Variants in CTNNA3 observed in about 807,000 individuals in gnomAD.
CTNNA3 encodes catenin alpha-3.
CTNNA3 carries 76 observed loss-of-function variants against 95.7 expected under a neutral mutation model. That is an observed-to-expected ratio of 0.79 (90% CI 0.66 to 0.96). The LOEUF is 0.96. CTNNA3 is among the 40% of genes least tolerant of loss of function. The pLI, the probability that CTNNA3 is intolerant of heterozygous loss-of-function variation, is 0.00. For missense variants in CTNNA3, 1,191 were observed against 1,089.8 expected (o/e 1.09, Z -1.31); for synonymous variants, 431 against 374.4 (o/e 1.15, Z -1.74).
At chr10:66,962,866 C>G (rs1849196218) in intron 7 of CTNNA3, among the ~76,000 whole-genome samples, 1 of 152,112 alleles carries the variant, frequency 6.6e-6, no homozygotes, top group Admixed American at 6.6e-5. Flanking sequence ...ATTTGTTTAT[C>G]TGTCTTGCCC....
chr10:67,340,534 C>T (rs936452011), intron 5 of CTNNA3, among the ~76,000 whole-genome samples: 1 of 152,134 alleles, frequency 6.6e-6, no homozygotes, highest in African/African-American at 2.4e-5. Flanking sequence ...GACTAACAGG[C>T]AAAGATTGTC....
At chr10:66,419,432 GA>G (rs1437429349) in intron 11 of CTNNA3, among the ~76,000 whole-genome samples, 2 of 151,912 alleles carry the variant, frequency 1.3e-5, no homozygotes, top group Non-Finnish European at 2.9e-5. Flanking sequence ...TCATGGATCA[GA>G]AAAAAATAAT....
intron 12 of CTNNA3, among the ~76,000 whole-genome samples, chr10:66,375,336 T>C (rs2092788180): frequency 1.3e-5 from 2 of 149,730 alleles, no homozygotes; most frequent in South Asian, 4.2e-4. Flanking sequence ...TGAGACAGAG[T>C]GGAAGAGACT....
intron 5 of CTNNA3, among the ~76,000 whole-genome samples, chr10:67,515,902 C>T (rs569834553): frequency 7.2e-5 from 11 of 152,294 alleles, no homozygotes; most frequent in Admixed American, 2.0e-4. Flanking sequence ...CCCACTTACA[C>T]CCTTCCTTAG....
In CTNNA3 at chr10:65,920,232, C is replaced by T; in HGVS notation, c.*98G>A. 1 of 1,091,026 alleles carries T rather than the reference C, an allele frequency of 9.2e-7. No homozygotes were observed. Among genetic ancestry groups the T allele is most frequent in the Non-Finnish European group, 1.3e-6 (1 of 750,318 alleles). The allele number at this position is 1,091,026 out of a possible 1,614,324, so 67.6% of individuals were successfully genotyped here. A position where few individuals can be genotyped will look rare whatever the true frequency, so the allele number is the denominator to read the frequency against. On this transcript the variant is annotated 3_prime_UTR_variant, in exon 18 of 18. Coordinates refer to ENST00000433211, the MANE Select transcript of CTNNA3 (RefSeq NM_013266.4). Reference sequence around the variant, plus strand: ...TTTATGTTATTTGTGAGTTAAACACCAAAACTTAGTGAAATTACAGAACTT... The same window carrying T: ...TTTATGTTATTTGTGAGTTAAACACTAAAACTTAGTGAAATTACAGAACTT...
intron 11 of CTNNA3, among the ~76,000 whole-genome samples, chr10:66,491,609 C>T (rs775425122): frequency 6.6e-6 from 1 of 152,044 alleles, no homozygotes; most frequent in Non-Finnish European, 1.5e-5. Context: ...TTTCAGAATC[C>T]TTTTGCCTGC....
chr10:67,586,116 T>C (rs560944282), intron 3 of CTNNA3, among the ~76,000 whole-genome samples: 9 of 152,322 alleles, frequency 5.9e-5, no homozygotes, highest in Admixed American at 4.6e-4. Flanking sequence ...TTAATTTCCA[T>C]GTGTCTGTAT....
At chr10:65,922,787 A>G (rs1291777778) in intron 17 of CTNNA3, among the ~76,000 whole-genome samples, 3 of 152,148 alleles carry the variant, frequency 2.0e-5, no homozygotes, top group African/African-American at 7.2e-5. Flanking sequence ...ACACACTACT[A>G]CAAAGATACT....
At chr10:66,845,703 C>CAAAAAAAAAAAAAAAA (rs61085873) in intron 7 of CTNNA3, among the ~76,000 whole-genome samples, 10 of 23,536 alleles carry the variant, frequency 4.2e-4, no homozygotes, top group Admixed American at 9.0e-4. Context: ...AACTCTGTCT[C>CAAAAAAAAAAAAAAAA]AAAAAAAAAA....
chr10:66,609,150 C>G (rs1844239143), intron 10 of CTNNA3, among the ~76,000 whole-genome samples: 1 of 151,692 alleles, frequency 6.6e-6, no homozygotes, highest in Non-Finnish European at 1.5e-5. Context: ...ACCTCCACCT[C>G]TCAGGTTCAA....
intron 3 of CTNNA3, among the ~76,000 whole-genome samples, chr10:67,550,601 A>G (rs1233356125): frequency 6.6e-6 from 1 of 151,512 alleles, no homozygotes; most frequent in East Asian, 1.9e-4. Flanking sequence ...TAAAGAATAA[A>G]TTATTTAAAT....
intron 7 of CTNNA3, among the ~76,000 whole-genome samples, chr10:66,803,173 C>T (rs1841497603): frequency 6.6e-6 from 1 of 151,948 alleles, no homozygotes; most frequent in Non-Finnish European, 1.5e-5. Flanking sequence ...AGATAATTTA[C>T]TTTTTATTTT....
intron 1 of CTNNA3, among the ~76,000 whole-genome samples, chr10:67,719,615 T>C (rs535842219): frequency 6.6e-6 from 1 of 152,294 alleles, no homozygotes; most frequent in Non-Finnish European, 1.5e-5. Flanking sequence ...CGGTTTTGAG[T>C]GAGTTTCTTA....
intron 5 of CTNNA3, among the ~76,000 whole-genome samples, chr10:67,416,254 G>A (rs1371103649): frequency 1.3e-5 from 2 of 152,024 alleles, no homozygotes; most frequent in African/African-American, 4.8e-5. Flanking sequence ...ATCCAACAAA[G>A]CCTAATATCC....
Position 66,658,659 on chromosome 10 carries a change from CT to C in CTNNA3, c.1282-36876del, listed in dbSNP as rs1290441021. 2.0e-5 allele frequency among the ~76,000 whole-genome samples: 3 copies of C among 152,134 alleles called. 1 individual carries two copies. The highest frequency in any genetic ancestry group is 4.4e-5 in the Non-Finnish European group (3 of 68,032). ...AGAGGTGTGACAAATGGAAGGTAGC[CT>C]GATCATCTGCCTGCAGCCTGGCCTT... On this transcript the variant is annotated intron_variant, in intron 9 of 17. Coordinates refer to ENST00000433211, the MANE Select transcript of CTNNA3 (RefSeq NM_013266.4).
chr10:66,009,909 T>C (rs965519304), intron 15 of CTNNA3, among the ~76,000 whole-genome samples: 5 of 152,236 alleles, frequency 3.3e-5, no homozygotes, highest in Non-Finnish European at 7.3e-5. Context: ...TGTCGAGAGA[T>C]GAATTAATCA....
chr10:66,584,777 G>A (rs1046436508), intron 10 of CTNNA3, among the ~76,000 whole-genome samples: 17 of 151,888 alleles, frequency 1.1e-4, no homozygotes, highest in Admixed American at 5.2e-4. Flanking sequence ...TGTTTTATAA[G>A]CCCTGTGAAT....
chr10:66,889,280 G>T (rs1306128197), intron 7 of CTNNA3, among the ~76,000 whole-genome samples: 1 of 152,188 alleles, frequency 6.6e-6, no homozygotes, highest in Non-Finnish European at 1.5e-5. Context: ...ACACTACTCG[G>T]TATGATACTG....
chr10:66,834,710 T>C (rs559716481), intron 7 of CTNNA3, among the ~76,000 whole-genome samples: 2 of 152,354 alleles, frequency 1.3e-5, no homozygotes, highest in South Asian at 2.1e-4. Context: ...GATTTCCCGA[T>C]TGAGCTCAAC....
Sources: allele counts gnomAD v4.1 joint callset (sites outside exome capture counted in the v4.1 genomes callset), GRCh38; gene constraint gnomAD v4.1.1; transcripts MANE v1.5; gene names NCBI Gene and HGNC (gene_info 2026-07-23, HGNC 2026-07-21).